The following FAM209A variants were observed in gnomAD, a reference collection of about 807,000 sequenced individuals.
The protein encoded by FAM209A is family with sequence similarity 209 member A.
In FAM209A, 4 loss-of-function variants were observed where a neutral mutation model predicts 9.8. The ratio of observed to expected loss-of-function variants is 0.41; its 90% CI spans 0.20 to 0.94. The LOEUF is 0.94. FAM209A is among the 40% of genes least tolerant of loss of function. The pLI is 0.32. For missense variants in FAM209A, 205 were observed against 209.4 expected, an observed-to-expected ratio of 0.98 and a Z score of 0.13; for synonymous variants, 55 against 77.8, an observed-to-expected ratio of 0.71 and a Z score of 1.54.
the FAM209A span, among the ~76,000 whole-genome samples, chr20:56,531,599 C>A: frequency 6.6e-6 from 1 of 151,122 alleles, no homozygotes; most frequent in Non-Finnish European, 1.5e-5. Context: ...CCGTGCCCGG[C>A]CTCTTACCAC....
the FAM209A span, chr20:56,533,341 C>T: frequency 6.2e-7 from 1 of 1,614,014 alleles, no homozygotes; most frequent in African/African-American, 1.3e-5. Flanking sequence ...CTCTGCTCAC[C>T]ATGTGGACGC....
At chr20:56,527,203 C>T (rs1364559947), downstream of FAM209A, among the ~76,000 whole-genome samples, 2 of 151,828 alleles carry the variant, frequency 1.3e-5, no homozygotes, top group African/African-American at 4.8e-5. Context: ...TATGGACTTA[C>T]AGGTGTGTTT....
downstream of FAM209A, among the ~76,000 whole-genome samples, chr20:56,529,324 C>G (rs1228746580): frequency 2.0e-5 from 3 of 152,052 alleles, no homozygotes; most frequent in Non-Finnish European, 2.9e-5. Context: ...CAAGACCACC[C>G]TGGCCAACAA....
chr20:56,529,220 A>G (rs1985658274), downstream of FAM209A, among the ~76,000 whole-genome samples: 1 of 145,682 alleles, frequency 6.9e-6, no homozygotes, highest in Non-Finnish European at 1.5e-5. Context: ...AAAAAAAGAA[A>G]ACAAATTATT....
downstream of FAM209A, among the ~76,000 whole-genome samples, chr20:56,527,022 A>T (rs184250095): frequency 6.6e-6 from 1 of 152,330 alleles, no homozygotes; most frequent in African/African-American, 2.4e-5. Flanking sequence ...TATCCTACTT[A>T]TTCAAAATGT....
chr20:56,526,667 T>C (rs1600848143), downstream of FAM209A, among the ~76,000 whole-genome samples: 1 of 147,810 alleles, frequency 6.8e-6, no homozygotes, highest in South Asian at 2.1e-4. Flanking sequence ...AAAAGGGGGA[T>C]GAGGCAGGAG....
downstream of FAM209A, among the ~76,000 whole-genome samples, chr20:56,526,836 G>A (rs752202491): frequency 1.1e-4 from 17 of 152,148 alleles, no homozygotes; most frequent in Non-Finnish European, 2.5e-4. Context: ...GGAGGCCGAG[G>A]CAGGAGGACT....
At chr20:56,529,266 C>CA (rs1393349892), downstream of FAM209A, among the ~76,000 whole-genome samples, 21 of 152,058 alleles carry the variant, frequency 1.4e-4, no homozygotes, top group African/African-American at 5.1e-4. Flanking sequence ...CCTGTAATCC[C>CA]AGCACTTTGG....
At chr20:56,533,570 A>G in the FAM209A span, 11 of 1,614,204 alleles carry the variant, frequency 6.8e-6, no homozygotes, top group Non-Finnish European at 9.3e-6. Flanking sequence ...GCAGTGTCAA[A>G]GAGACAGTGA....
At chr20:56,527,455 G>C (rs1306435777), downstream of FAM209A, among the ~76,000 whole-genome samples, 1 of 152,188 alleles carries the variant, frequency 6.6e-6, no homozygotes, top group Non-Finnish European at 1.5e-5. Flanking sequence ...CCTGCAGCCA[G>C]GATCATGACT....
the FAM209A span, among the ~76,000 whole-genome samples, chr20:56,531,211 T>C: frequency 1.3e-5 from 2 of 152,242 alleles, no homozygotes; most frequent in African/African-American, 4.8e-5. Context: ...CTGGACACTC[T>C]TCCTGCATAA....
At chr20:56,527,588 T>C (rs1029735582), downstream of FAM209A, among the ~76,000 whole-genome samples, 1 of 152,212 alleles carries the variant, frequency 6.6e-6, no homozygotes, top group African/African-American at 2.4e-5. Flanking sequence ...TGACCAGTGC[T>C]GTCACCCTCA....
downstream of FAM209A, among the ~76,000 whole-genome samples, chr20:56,527,147 G>C (rs1985562025): frequency 6.6e-6 from 1 of 151,888 alleles, no homozygotes; most frequent in African/African-American, 2.4e-5. Context: ...GAATTCTGCT[G>C]TAAGAAGAGC....
chr20:56,531,680 G>C, the FAM209A span, among the ~76,000 whole-genome samples: 10 of 148,944 alleles, frequency 6.7e-5, no homozygotes, highest in East Asian at 8.1e-4. Flanking sequence ...GGCTGGAGTA[G>C]AGTGTCTTGA....
downstream of FAM209A, among the ~76,000 whole-genome samples, chr20:56,530,475 T>C (rs1985704509): frequency 6.6e-6 from 1 of 152,156 alleles, no homozygotes; most frequent in Non-Finnish European, 1.5e-5. Context: ...TCTGTTCTTT[T>C]TCCCCTAGAC....
chr20:56,525,118 C>T (rs923467499), intron 1 of FAM209A, 61 bp downstream of exon 1: 17 of 1,593,842 alleles, frequency 1.1e-5, no homozygotes, highest in Middle Eastern at 1.9e-4. Flanking sequence ...CTCAGGGAAA[C>T]GGATGTTCTA....
the FAM209A span, among the ~76,000 whole-genome samples, chr20:56,532,761 C>T: frequency 5.1e-4 from 77 of 152,180 alleles, 1 homozygote; most frequent in Admixed American, 1.2e-3. Context: ...GGATTACAGG[C>T]GTGAGCTGCC....
the FAM209A span, chr20:56,533,311 T>G: frequency 9.9e-6 from 16 of 1,611,314 alleles, no homozygotes; most frequent in Non-Finnish European, 1.4e-5. Flanking sequence ...AAACCCGTCA[T>G]GAGCAACTCC....
rs2426632 is a variant in FAM209A, at chr20:56,524,949, T to A, written c.141T>A (p.Asn47Lys). The A allele has an allele frequency of 1.2e-6, 2 of 1,600,726 alleles. No homozygotes were observed. Among genetic ancestry groups the A allele is most frequent in the Non-Finnish European group, 1.7e-6 (2 of 1,171,044 alleles). ...GAGAGCACTTTCGGATTCGGCAGAA[T>A]CTACCAGAGCACACCCAAGGCTGGC... Reference protein sequence around the residue: ...QYGEHFRIRQNLPEHTQGWLG... With the variant: ...QYGEHFRIRQKLPEHTQGWLG... Residue 47 changes from asparagine (N) to lysine (K), a missense_variant, in exon 1 of 2, where the codon AAT becomes AAA. By Grantham distance (94) the Asn-to-Lys change is moderately conservative. Transcript: ENST00000371328.
Sources: allele counts gnomAD v4.1 joint callset (sites outside exome capture counted in the v4.1 genomes callset), GRCh38; gene constraint gnomAD v4.1.1; transcripts MANE v1.5; gene names NCBI Gene and HGNC (gene_info 2026-07-23, HGNC 2026-07-21).